The following UNC79 variants were observed in gnomAD, a reference collection of about 807,000 sequenced individuals.
The protein encoded by UNC79 is protein unc-79 homolog.
A neutral mutation model predicts 283.1 loss-of-function variants in UNC79; 37 were observed. The observed-to-expected ratio is 0.13, with a 90% CI of 0.10 to 0.17. UNC79 has a LOEUF of 0.17. Ranked by LOEUF, UNC79 falls within the 10% of genes least tolerant of loss-of-function variation. The pLI is 1.00. For synonymous variants in UNC79, 1,107 were observed against 1,200.2 expected, an observed-to-expected ratio of 0.92 and a Z score of 1.61; for missense variants, 2,272 against 3,211.1, an observed-to-expected ratio of 0.71 and a Z score of 7.07.
At chr14:93,498,900 T>G (rs2059153120) in intron 7 of UNC79, among the ~76,000 whole-genome samples, 1 of 152,192 alleles carries the variant, frequency 6.6e-6, no homozygotes, top group Non-Finnish European at 1.5e-5. Flanking sequence ...GAGATATTTT[T>G]GCAAGGTTGA....
chr14:93,616,456 C>A (rs1173914070), intron 27 of UNC79, among the ~76,000 whole-genome samples: 2 of 150,730 alleles, frequency 1.3e-5, no homozygotes, highest in Non-Finnish European at 2.9e-5. Context: ...GCAGCCTCGA[C>A]CTCCCAGGCT....
intron 46 of UNC79, 147 bp downstream of exon 49, chr14:93,692,093 C>T (rs572492173): frequency 1.1e-6 from 1 of 946,110 alleles, no homozygotes; most frequent in Admixed American, 2.6e-5. Context: ...GCTGGATGTT[C>T]TGCTTGCATA....
At position 93,408,912 on chromosome 14, in the gene UNC79, A is replaced by C. The variant is rs187809886; in HGVS notation, c.-350-58759A>C. 3.6e-3 allele frequency among the ~76,000 whole-genome samples: 543 copies of C among 152,364 alleles called. 5 individuals carry two copies. Among genetic ancestry groups the C allele is most frequent in the African/African-American group, 0.013 (521 of 41,584 alleles). ...ACTTTATCACTAAAAACTCTTAGCT[A>C]AATATGATAGAAGGAAACTTCCTCA... On this transcript the variant is annotated intron_variant, in intron 1 of 49. Coordinates refer to the UNC79 transcript ENST00000256339.
intron 1 of UNC79, among the ~76,000 whole-genome samples, chr14:93,450,675 A>C (rs569850903): frequency 6.6e-6 from 1 of 152,250 alleles, no homozygotes; most frequent in Non-Finnish European, 1.5e-5. Flanking sequence ...ATCTTTCCTA[A>C]GTACTAAAAA....
chr14:93,599,929 T>A (rs182378624), intron 24 of UNC79, among the ~76,000 whole-genome samples: 5 of 152,156 alleles, frequency 3.3e-5, no homozygotes, highest in Admixed American at 2.0e-4. Context: ...CAGCTGGGCG[T>A]GGTGGCTCGC....
At chr14:93,347,994 C>T (rs2053900788) in intron 1 of UNC79, 1 of 1,309,388 alleles carries the variant, frequency 7.6e-7, no homozygotes, top group Non-Finnish European at 1.1e-6. Context: ...CCTAGGAAGC[C>T]ATACTCAGCA....
At chr14:93,572,568 C>T in intron 15 of UNC79, 125 bp from the exon 16 acceptor site, 4 of 1,372,744 alleles carry the variant, frequency 2.9e-6, no homozygotes, top group Non-Finnish European at 4.0e-6. Context: ...GATAACAGTT[C>T]AGAATACAAA....
Position 93,491,143 on chromosome 14 carries a change from C to T in UNC79, c.712+3388C>T, listed in dbSNP as rs560089345. Among the ~76,000 whole-genome samples, 5 of 152,108 alleles carry T rather than the reference C, an allele frequency of 3.3e-5. No individual in the cohort carries two copies. The East Asian group carries it at 9.7e-4, about 29-fold the overall frequency. On this transcript the variant is annotated intron_variant, in intron 5 of 48. Coordinates refer to ENST00000555664, the Ensembl canonical transcript of UNC79. ...AAAAGGGCAAGGGATTTCTCTGGGG[C>T]CTCTTTTATAAGGGCACTAATCACC...
chr14:93,565,542 T>G (rs1164324239), intron 14 of UNC79, among the ~76,000 whole-genome samples: 1 of 152,170 alleles, frequency 6.6e-6, no homozygotes, highest in African/African-American at 2.4e-5. Flanking sequence ...CAGGTCGAAG[T>G]GTATTCAAGG....
At chr14:93,520,267 C>T (rs965888463) in intron 7 of UNC79, among the ~76,000 whole-genome samples, 7 of 151,808 alleles carry the variant, frequency 4.6e-5, no homozygotes, top group South Asian at 2.1e-4. Flanking sequence ...GAGAAATCAG[C>T]GATCATTCTT....
intron 31 of UNC79, among the ~76,000 whole-genome samples, chr14:93,632,069 A>G (rs1667535399): frequency 6.6e-6 from 1 of 152,244 alleles, no homozygotes; most frequent in Non-Finnish European, 1.5e-5. Flanking sequence ...GAGAAGCTAA[A>G]TGACTTGCCT....
intron 30 of UNC79, among the ~76,000 whole-genome samples, chr14:93,626,212 C>T (rs982079772): frequency 2.0e-5 from 3 of 152,170 alleles, no homozygotes; most frequent in Non-Finnish European, 4.4e-5. Context: ...TCTCCCCAAA[C>T]TTTCAATAAG....
chr14:93,548,628 C>T (rs2061721428), intron 14 of UNC79, among the ~76,000 whole-genome samples: 1 of 152,164 alleles, frequency 6.6e-6, no homozygotes, highest in South Asian at 2.1e-4. Flanking sequence ...GCCAACATGA[C>T]CACACAAGAT....
intron 14 of UNC79, among the ~76,000 whole-genome samples, chr14:93,571,637 C>T (rs891241236): frequency 1.3e-5 from 2 of 152,146 alleles, no homozygotes; most frequent in African/African-American, 4.8e-5. Flanking sequence ...TTTGGAAAAT[C>T]AACAGTAGCA....
intron 7 of UNC79, among the ~76,000 whole-genome samples, chr14:93,499,523 C>G (rs1382475227): frequency 6.6e-6 from 1 of 152,152 alleles, no homozygotes; most frequent in African/African-American, 2.4e-5. Flanking sequence ...TTACTACAAT[C>G]TAGACATGGA....
chr14:93,355,047 T>TGA (rs35006459), intron 1 of UNC79, among the ~76,000 whole-genome samples: 20,455 of 150,506 alleles, frequency 0.14, 1,599 homozygotes, highest in African/African-American at 0.21. Flanking sequence ...TTTTTTTTTT[T>TGA]GACAGAGTTT....
At chr14:93,386,387 G>T (rs1040759421) in intron 1 of UNC79, among the ~76,000 whole-genome samples, 1 of 152,088 alleles carries the variant, frequency 6.6e-6, no homozygotes, top group East Asian at 1.9e-4. Flanking sequence ...ATTTTGTTGA[G>T]ATTTTTGCAT....
At chr14:93,470,266 G>C (rs2057434737) in intron 2 of UNC79, among the ~76,000 whole-genome samples, 1 of 152,084 alleles carries the variant, frequency 6.6e-6, no homozygotes, top group Non-Finnish European at 1.5e-5. Context: ...TGGTATTTGT[G>C]CATGCATACA....
chr14:93,525,245 G>GC (rs939636664), intron 8 of UNC79, among the ~76,000 whole-genome samples: 93 of 152,238 alleles, frequency 6.1e-4, no homozygotes, highest in African/African-American at 2.0e-3. Flanking sequence ...GGGAGTTTGA[G>GC]CCCAGTCTGG....
Sources: allele counts gnomAD v4.1 joint callset (sites outside exome capture counted in the v4.1 genomes callset), GRCh38; gene constraint gnomAD v4.1.1; transcripts MANE v1.5; gene names NCBI Gene and HGNC (gene_info 2026-07-23, HGNC 2026-07-21).